The following CRACD variants were observed in gnomAD, a reference collection of about 807,000 sequenced individuals.
CRACD encodes capping protein-inhibiting regulator of actin dynamics.
In CRACD, 56 loss-of-function variants were observed where a neutral mutation model predicts 106.8. The ratio of observed to expected loss-of-function variants is 0.52; its 90% CI spans 0.42 to 0.66. The LOEUF is 0.66. Among genes scored for constraint, CRACD ranks in the 30% least tolerant of loss-of-function variants. CRACD has a pLI of 0.00. For missense variants in CRACD, 1,730 were observed against 1,623.2 expected (o/e 1.07, Z -1.13); for synonymous variants, 754 against 670.8 (o/e 1.12, Z -1.92).
chr4:56,265,262 TA>T (rs2109626819), intron 2 of CRACD, among the ~76,000 whole-genome samples: 1 of 152,304 alleles, frequency 6.6e-6, no homozygotes, highest in African/African-American at 2.4e-5. Flanking sequence ...CTTAACTTAG[TA>T]AAATTATGGG....
intron 6 of CRACD, among the ~76,000 whole-genome samples, chr4:56,312,791 C>T (rs932989373): frequency 2.5e-4 from 38 of 152,156 alleles, no homozygotes; most frequent in African/African-American, 8.9e-4. Flanking sequence ...TTGTGCCACT[C>T]TTCCTTCATA....
At chr4:56,153,344 CT>C (rs1272836724) in intron 1 of CRACD, among the ~76,000 whole-genome samples, 1 of 152,210 alleles carries the variant, frequency 6.6e-6, no homozygotes, top group African/African-American at 2.4e-5. Context: ...TCATCTCCGT[CT>C]CAGTAAACTG....
intron 1 of CRACD, among the ~76,000 whole-genome samples, chr4:56,095,246 G>A (rs1398160672): frequency 2.6e-5 from 4 of 152,186 alleles, no homozygotes; most frequent in Admixed American, 2.6e-4. Flanking sequence ...CAGCTACTTG[G>A]GAGGCTGAGG....
chr4:56,328,281 A>C lies in CRACD; in HGVS notation c.*477A>C. 1 of 517,408 alleles carries C rather than the reference A, an allele frequency of 1.9e-6. No individual in the cohort carries two copies. The highest frequency in any genetic ancestry group is 3.9e-6 in the Non-Finnish European group (1 of 259,162). 32.1% of individuals were successfully genotyped at this position (517,408 alleles called of 1,614,324 possible). A position where few individuals can be genotyped will look rare whatever the true frequency, so the allele number is the denominator to read the frequency against. ...GGTGAAAGGATCATATCTAGCTAAA[A>C]GCAAGAACACCCATTCTCCTGAATG... On this transcript the variant is annotated 3_prime_UTR_variant, in exon 11 of 11. Transcript: ENST00000682029.
At chr4:56,306,658 A>G (rs1744730850) in intron 4 of CRACD, among the ~76,000 whole-genome samples, 1 of 152,172 alleles carries the variant, frequency 6.6e-6, no homozygotes, top group Admixed American at 6.5e-5. Flanking sequence ...CCCCCAGGGG[A>G]CTTTGGGCAA....
chr4:56,222,437 G>A (rs1384192799), intron 2 of CRACD, among the ~76,000 whole-genome samples: 2 of 152,050 alleles, frequency 1.3e-5, no homozygotes, highest in African/African-American at 2.4e-5. Flanking sequence ...TATTGGGTAC[G>A]GTGTATGCTA....
intron 1 of CRACD, among the ~76,000 whole-genome samples, chr4:56,055,307 G>A (rs1732018909): frequency 6.6e-6 from 1 of 151,870 alleles, no homozygotes; most frequent in South Asian, 2.1e-4. Flanking sequence ...TTAAATCTAG[G>A]ATAAGCCGGA....
intron 2 of CRACD, among the ~76,000 whole-genome samples, chr4:56,249,904 C>T (rs1046878528): frequency 6.6e-6 from 1 of 152,136 alleles, no homozygotes; most frequent in East Asian, 1.9e-4. Flanking sequence ...ATGTGTTTGT[C>T]CAGAATTGTA....
intron 1 of CRACD, among the ~76,000 whole-genome samples, chr4:56,150,227 A>G (rs1735535790): frequency 6.6e-6 from 1 of 152,252 alleles, no homozygotes; most frequent in Non-Finnish European, 1.5e-5. Context: ...GATGTCATGA[A>G]GCTTCACTTT....
chr4:56,190,144 T>C (rs2109454385), intron 2 of CRACD, among the ~76,000 whole-genome samples: 1 of 151,928 alleles, frequency 6.6e-6, no homozygotes, highest in East Asian at 1.9e-4. Context: ...ACAAAGGACA[T>C]GAACTCATCA....
In CRACD at chr4:56,314,659, T is replaced by C. The variant is rs1560535182; in HGVS notation, c.1157T>C (p.Leu386Ser). 4.5e-6 allele frequency: 7 copies of C among 1,545,370 alleles called. No homozygotes were observed. The highest frequency in any genetic ancestry group is 6.1e-6 in the Non-Finnish European group (7 of 1,144,794). Residue 386 changes from leucine to serine, a missense_variant, in exon 8 of 11, where the codon TTG (leucine) becomes TCG (serine). Around this residue, in one of 5 missense-constraint regions of CRACD, gnomAD observed 1,620 missense variants for 1,481.6 expected, o/e 1.09. Transcript: ENST00000682029. This position sits in a 1 kb window ranked among gnomAD's most constrained non-coding sequence, Gnocchi z 4.4. ...EAEVQGPPEA[L>S]EETGEGRRGA... ...GAGGTGCAGGGGCCGCCCGAGGCGT[T>C]GGAGGAGACTGGGGAGGGCCGGCGG...
chr4:56,297,118 T>A (rs1347805073), intron 3 of CRACD, among the ~76,000 whole-genome samples: 3 of 152,072 alleles, frequency 2.0e-5, no homozygotes, highest in African/African-American at 7.2e-5. Flanking sequence ...TTTTTTGGTA[T>A]TTTTAGTAGA....
chr4:56,080,065 A>G (rs1732971721), intron 1 of CRACD, among the ~76,000 whole-genome samples: 1 of 152,172 alleles, frequency 6.6e-6, no homozygotes, highest in African/African-American at 2.4e-5. Flanking sequence ...TGGCGGTGGC[A>G]TGTGTCATTG....
At chr4:56,308,357 G>C (rs555591173) in intron 5 of CRACD, among the ~76,000 whole-genome samples, 1 of 152,102 alleles carries the variant, frequency 6.6e-6, no homozygotes, top group Non-Finnish European at 1.5e-5. Context: ...TGAAATGAGA[G>C]TTCTTCCAAA....
chr4:56,207,681 G>C (rs1738192319), intron 2 of CRACD, among the ~76,000 whole-genome samples: 1 of 149,228 alleles, frequency 6.7e-6, no homozygotes, highest in Non-Finnish European at 1.5e-5. Flanking sequence ...AAAAAATTGA[G>C]AGATAAGAGT....
chr4:56,163,022 A>G (rs1222934045), intron 1 of CRACD, among the ~76,000 whole-genome samples: 3 of 152,154 alleles, frequency 2.0e-5, no homozygotes, highest in African/African-American at 7.2e-5. Flanking sequence ...GTTTGCAAAA[A>G]CAGACTGTGG....
At chr4:56,185,174 G>T (rs1737032253) in intron 2 of CRACD, among the ~76,000 whole-genome samples, 1 of 152,116 alleles carries the variant, frequency 6.6e-6, no homozygotes, top group Non-Finnish European at 1.5e-5. Context: ...AGCCAGGATG[G>T]TCTCGATCTC....
intron 2 of CRACD, among the ~76,000 whole-genome samples, chr4:56,262,051 C>A (rs1163214287): frequency 6.6e-6 from 1 of 152,028 alleles, no homozygotes. Flanking sequence ...AGGATAGAAA[C>A]CTAATGAAAA....
intron 2 of CRACD, among the ~76,000 whole-genome samples, chr4:56,229,373 A>G (rs1023307288): frequency 6.6e-6 from 1 of 152,188 alleles, no homozygotes; most frequent in Non-Finnish European, 1.5e-5. Flanking sequence ...CCCTTCTGCC[A>G]TATGAGAAGG....
Sources: gnomAD v4.1 joint callset for allele counts (sites outside exome capture counted in the v4.1 genomes callset) on GRCh38, gnomAD v4.1.1 for gene constraint, gnomAD v4.1.1 regional missense constraint, Gnocchi (gnomAD v3.1) non-coding constraint, MANE v1.5 for transcripts, NCBI Gene and HGNC (gene_info 2026-07-23, HGNC 2026-07-21) for gene names.